Variants in USP12 observed in about 807,000 individuals in gnomAD.
USP12 encodes ubiquitin specific peptidase 12, also known as ubiquitin carboxyl-terminal hydrolase 12.
In USP12, 19 loss-of-function variants were observed where a neutral mutation model predicts 45.5. That is an observed-to-expected ratio of 0.42 (90% CI 0.29 to 0.61). The LOEUF is 0.61. Ranked by LOEUF, USP12 falls within the 20% of genes least tolerant of loss-of-function variation. The pLI is 0.22. For missense variants in USP12, 242 were observed against 447.7 expected, an observed-to-expected ratio of 0.54 and a Z score of 4.15; for synonymous variants, 149 against 148.8, an observed-to-expected ratio of 1.00 and a Z score of -0.01.
At chr13:27,160,748 A>G (rs186350144) in intron 1 of USP12, among the ~76,000 whole-genome samples, 7 of 150,206 alleles carry the variant, frequency 4.7e-5, no homozygotes, top group Non-Finnish European at 8.9e-5. Flanking sequence ...CCTATTCCTC[A>G]CCTGTTCTTA....
rs561304962 is a variant in USP12, at chr13:27,156,455, T to C, written c.48+15137A>G. ...TGACGAAACGCAACGATGATCATTA[T>C]GGATCCAACTATAATCATTTGAGAC... On this transcript the variant is annotated intron_variant, in intron 1 of 8. Coordinates refer to ENST00000282344, the MANE Select transcript of USP12 (RefSeq NM_182488.4). Among the ~76,000 whole-genome samples, 5 of 152,352 alleles carry C rather than the reference T, an allele frequency of 3.3e-5. No individual in the cohort carries two copies. The East Asian group carries it at 9.6e-4, about 29-fold the overall frequency.
chr13:27,086,325 AG>A (rs1874045868), intron 6 of USP12, among the ~76,000 whole-genome samples: 2 of 149,070 alleles, frequency 1.3e-5, no homozygotes, highest in East Asian at 3.9e-4. Flanking sequence ...GCACCTCCTA[AG>A]AAGGATATAA....
chr13:27,087,286 C>CGT (rs1874105301), intron 6 of USP12, among the ~76,000 whole-genome samples: 1 of 136,818 alleles, frequency 7.3e-6, no homozygotes. Flanking sequence ...TGTGTGTGCG[C>CGT]GCACGCTCGT....
intron 1 of USP12, among the ~76,000 whole-genome samples, chr13:27,153,017 T>A (rs1348567310): frequency 6.6e-6 from 1 of 151,144 alleles, no homozygotes; most frequent in Non-Finnish European, 1.5e-5. Flanking sequence ...TTTGATTAAT[T>A]GTTTACATTC....
intron 1 of USP12, chr13:27,117,924 C>A: frequency 2.4e-6 from 1 of 408,190 alleles, no homozygotes; most frequent in Non-Finnish European, 5.2e-6. Flanking sequence ...TAAACAGATT[C>A]TAAAATGTAG....
At chr13:27,156,800 C>A (rs754549876) in intron 1 of USP12, among the ~76,000 whole-genome samples, 4 of 151,676 alleles carry the variant, frequency 2.6e-5, no homozygotes, top group African/African-American at 4.9e-5. Flanking sequence ...CCAGCCTGGG[C>A]GACAGAGCAA....
chr13:27,086,195 AAAATATATATAT>A (rs1874028155), intron 6 of USP12, among the ~76,000 whole-genome samples: 1 of 62,008 alleles, frequency 1.6e-5, no homozygotes. Context: ...AAAAAAAAAA[AAAATATATATAT>A]ATATATATAT....
rs1873847786 is a variant in USP12 at position 27,083,267 on chromosome 13, C to A, written c.734+6616G>T. On this transcript the variant is annotated intron_variant, in intron 6 of 8. Transcript: ENST00000282344. ...AAGTTTGAAATAGTGCAAGAATTACCAAAAATGTGACAGAGACAGGAAATG... is the reference window on the plus strand; with the variant it reads ...AAGTTTGAAATAGTGCAAGAATTACAAAAAATGTGACAGAGACAGGAAATG... Among the ~76,000 whole-genome samples the A allele has an allele frequency of 2.0e-5, 3 of 152,078 alleles. 1 individual carries two copies. The highest frequency in any genetic ancestry group is 2.0e-4 in the Admixed American group (3 of 15,264).
intron 8 of USP12, among the ~76,000 whole-genome samples, chr13:27,070,338 GGGGGCCTGCTGC>G (rs1257520131): frequency 6.3e-4 from 96 of 152,320 alleles, no homozygotes; most frequent in African/African-American, 2.2e-3. Flanking sequence ...GGAGGAACAA[GGGGGCCTGCTGC>G]GGTGTTGAAA....
chr13:27,088,581 T>G (rs1018463592), intron 6 of USP12, among the ~76,000 whole-genome samples: 1 of 152,196 alleles, frequency 6.6e-6, no homozygotes, highest in Non-Finnish European at 1.5e-5. Context: ...ACTCTTGCTT[T>G]CTTTCTGGGA....
At chr13:27,146,909 A>G (rs993490512) in intron 1 of USP12, among the ~76,000 whole-genome samples, 3 of 152,234 alleles carry the variant, frequency 2.0e-5, no homozygotes, top group African/African-American at 7.2e-5. Context: ...TATTATAAAA[A>G]AGGGAAATTT....
At chr13:27,070,184 G>C (rs972689038) in intron 8 of USP12, among the ~76,000 whole-genome samples, 1 of 152,186 alleles carries the variant, frequency 6.6e-6, no homozygotes, top group Non-Finnish European at 1.5e-5. Flanking sequence ...ATATCAATGA[G>C]TGAATAAAGT....
intron 6 of USP12, among the ~76,000 whole-genome samples, chr13:27,084,214 A>G (rs1374855180): frequency 3.4e-5 from 3 of 89,422 alleles, no homozygotes; most frequent in African/African-American, 7.4e-5. Flanking sequence ...ACACACACAC[A>G]CACAAATTCC....
At chr13:27,124,371 ATAAAG>A (rs1442089517) in intron 1 of USP12, among the ~76,000 whole-genome samples, 3 of 152,244 alleles carry the variant, frequency 2.0e-5, no homozygotes, top group African/African-American at 7.2e-5. Flanking sequence ...ATACTATTTT[ATAAAG>A]TAGAGAACAA....
intron 6 of USP12, among the ~76,000 whole-genome samples, chr13:27,084,959 C>T (rs1235389637): frequency 6.6e-6 from 1 of 152,038 alleles, no homozygotes; most frequent in Admixed American, 6.6e-5. Context: ...TGCACTGAAT[C>T]TCTAGGTTGC....
At chr13:27,158,526 G>A (rs531845621) in intron 1 of USP12, among the ~76,000 whole-genome samples, 1 of 152,280 alleles carries the variant, frequency 6.6e-6, no homozygotes, top group Admixed American at 6.5e-5. Flanking sequence ...AGATGGTACA[G>A]CCCACTACAC....
chr13:27,125,630 G>A (rs994658138), intron 1 of USP12, among the ~76,000 whole-genome samples: 2 of 152,212 alleles, frequency 1.3e-5, no homozygotes, highest in African/African-American at 4.8e-5. Flanking sequence ...GTCCACGGAG[G>A]GTGAGCGGAA....
At chr13:27,105,700 A>C (rs764243007) in intron 3 of USP12, 31 bp downstream of exon 3, 2 of 1,587,532 alleles carry the variant, frequency 1.3e-6, no homozygotes, top group South Asian at 2.2e-5. Flanking sequence ...CCTTCCTAGT[A>C]TGTCATTAAT....
intron 1 of USP12, chr13:27,117,851 AG>A (rs1245182883): frequency 5.8e-6 from 3 of 517,800 alleles, no homozygotes; most frequent in Admixed American, 1.9e-5. Context: ...ACCATGTGAA[AG>A]GGAGGGGGAG....
Sources: gnomAD v4.1 joint callset for allele counts (sites outside exome capture counted in the v4.1 genomes callset) on GRCh38, gnomAD v4.1.1 for gene constraint, MANE v1.5 for transcripts, NCBI Gene and HGNC (gene_info 2026-07-23, HGNC 2026-07-21) for gene names.